The following NT5C2 variants were observed in gnomAD, a reference collection of about 807,000 sequenced individuals.
NT5C2 encodes 5'-nucleotidase, cytosolic II, also known as cytosolic purine 5'-nucleotidase.
In NT5C2, 58 loss-of-function variants were observed where a neutral mutation model predicts 76.1. The ratio of observed to expected loss-of-function variants is 0.76; its 90% CI spans 0.62 to 0.95. The LOEUF (loss-of-function observed/expected upper bound fraction) is 0.95. Among genes scored for constraint, NT5C2 ranks in the 40% least tolerant of loss-of-function variants. The pLI is 0.00. For missense variants in NT5C2, 478 were observed against 690.3 expected, an observed-to-expected ratio of 0.69 and a Z score of 3.45; for synonymous variants, 229 against 237.4, an observed-to-expected ratio of 0.96 and a Z score of 0.32.
chr10:103,179,994 G>A (rs958340407), intron 2 of NT5C2, among the ~76,000 whole-genome samples: 41 of 152,148 alleles, frequency 2.7e-4, no homozygotes, highest in Admixed American at 2.3e-3. Context: ...CAAAATATTT[G>A]CAAACACACA....
chr10:103,187,040 C>T (rs1357394478), intron 1 of NT5C2, among the ~76,000 whole-genome samples: 1 of 151,912 alleles, frequency 6.6e-6, no homozygotes, highest in East Asian at 1.9e-4. Context: ...CACCTGAGGT[C>T]AGGAGTTCAA....
At chr10:103,109,068 TC>T (rs1343676125) in intron 4 of NT5C2, among the ~76,000 whole-genome samples, 1 of 152,100 alleles carries the variant, frequency 6.6e-6, no homozygotes, top group African/African-American at 2.4e-5. Flanking sequence ...CAGGCTGGTC[TC>T]GAACTCCTGA....
At chr10:103,172,957 G>A (rs1334568364) in intron 3 of NT5C2, among the ~76,000 whole-genome samples, 3 of 152,138 alleles carry the variant, frequency 2.0e-5, no homozygotes, top group African/African-American at 4.8e-5. Flanking sequence ...ACAGTGAGCC[G>A]AGATCAAGCC....
rs139619304 is a variant in NT5C2, at chr10:103,183,705, G to C, written c.-168-2377C>G. Among the ~76,000 whole-genome samples, 57 of 151,284 alleles carry C rather than the reference G, an allele frequency of 3.8e-4. No homozygotes were observed. In the East Asian group the frequency reaches 9.9e-3, roughly 26 times the overall value. On this transcript the variant is annotated intron_variant, in intron 1 of 18. Coordinates refer to ENST00000404739, the MANE Select transcript of NT5C2 (RefSeq NM_001351169.2). ...TGGGGGTGGGAGGAGGGTGAGGGAT[G>C]AGAAATTACCTGATGAGTACAATGT...
At chr10:103,181,472 A>G (rs979198845) in intron 1 of NT5C2, among the ~76,000 whole-genome samples, 144 bp from the exon 2 acceptor site, 18 of 152,188 alleles carry the variant, frequency 1.2e-4, no homozygotes, top group Non-Finnish European at 2.6e-4. Context: ...GCAAAGAGCA[A>G]CTGAAACTGT....
At chr10:103,160,898 T>C (rs2134088521) in intron 3 of NT5C2, among the ~76,000 whole-genome samples, 1 of 151,936 alleles carries the variant, frequency 6.6e-6, no homozygotes, top group Middle Eastern at 3.4e-3. Flanking sequence ...TAGTCCCAGC[T>C]ACTTGGAAGG....
At chr10:103,127,092 G>C (rs2076807689) in intron 4 of NT5C2, among the ~76,000 whole-genome samples, 1 of 152,178 alleles carries the variant, frequency 6.6e-6, no homozygotes, top group South Asian at 2.1e-4. Context: ...GTTTTCGATT[G>C]CATGGGAGCC....
At chr10:103,151,132 A>G (rs1444857058) in intron 3 of NT5C2, among the ~76,000 whole-genome samples, 1 of 151,706 alleles carries the variant, frequency 6.6e-6, no homozygotes, top group Non-Finnish European at 1.5e-5. Flanking sequence ...TTTTTCCTAT[A>G]TGAATATTCA....
intron 4 of NT5C2, among the ~76,000 whole-genome samples, chr10:103,108,467 A>G (rs2071997584): frequency 6.6e-6 from 1 of 152,194 alleles, no homozygotes; most frequent in Non-Finnish European, 1.5e-5. Context: ...TAATACTTTA[A>G]TGAGTGTGAT....
At chr10:103,156,686 C>A (rs1353342752) in intron 3 of NT5C2, among the ~76,000 whole-genome samples, 1 of 150,034 alleles carries the variant, frequency 6.7e-6, no homozygotes, top group Non-Finnish European at 1.5e-5. Flanking sequence ...ACCCAGGAGG[C>A]GGAGGTTGTG....
intron 1 of NT5C2, among the ~76,000 whole-genome samples, chr10:103,192,988 G>T (rs1173969109): frequency 6.6e-6 from 1 of 152,076 alleles, no homozygotes; most frequent in Non-Finnish European, 1.5e-5. Context: ...TCGCGGCGGC[G>T]CGGAGGAAGG....
chr10:103,154,114 G>A (rs1336793634), intron 3 of NT5C2, among the ~76,000 whole-genome samples: 2 of 152,054 alleles, frequency 1.3e-5, no homozygotes, highest in Admixed American at 6.5e-5. Context: ...CCTGCCTCCC[G>A]ACCAATATAA....
At position 103,174,644 on chromosome 10, in the gene NT5C2, A is replaced by G. The variant is rs567997348; in HGVS notation, c.101+214T>C. Among the ~76,000 whole-genome samples, 96 of 152,338 alleles carry G rather than the reference A, an allele frequency of 6.3e-4. 1 individual carries two copies. Among genetic ancestry groups the G allele is most frequent in the Non-Finnish European group, 2.8e-4 (19 of 68,020 alleles). On this transcript the variant is annotated intron_variant, in intron 3 of 18. Coordinates refer to ENST00000404739, the MANE Select transcript of NT5C2 (RefSeq NM_001351169.2). Reference sequence around the variant, plus strand: ...AGGTGCAATTTTCTAGCAACCAAAGACATTTTTCTCTTAAATACTTTTACT... The same window carrying G: ...AGGTGCAATTTTCTAGCAACCAAAGGCATTTTTCTCTTAAATACTTTTACT...
At chr10:103,148,680 A>C (rs551608156) in intron 3 of NT5C2, among the ~76,000 whole-genome samples, 1 of 152,238 alleles carries the variant, frequency 6.6e-6, no homozygotes, top group East Asian at 1.9e-4. Flanking sequence ...ACACACTAAA[A>C]ATCTGAACAA....
At chr10:103,178,776 G>C (rs368944686) in intron 2 of NT5C2, among the ~76,000 whole-genome samples, 2 of 146,824 alleles carry the variant, frequency 1.4e-5, no homozygotes, top group Admixed American at 1.4e-4. Flanking sequence ...GTTGCAATGA[G>C]CTGAGCCGAG....
chr10:103,088,739 T>C lies in NT5C2; in HGVS notation c.*933A>G, dbSNP rs971172588. 5.6e-6 allele frequency: 1 copy of C among 179,340 alleles called. No individual in the cohort carries two copies. Among genetic ancestry groups the C allele is most frequent in the African/African-American group, 2.4e-5 (1 of 42,348 alleles). 11.1% of individuals were successfully genotyped at this position (179,340 alleles called of 1,614,324 possible). ...TTCACACTGATTGTGCCCTCTACTT[T>C]AGTAAGGTTCTGGCTTACAGAGCCC... On this transcript the variant is annotated 3_prime_UTR_variant, in exon 19 of 19. Coordinates refer to ENST00000404739, the MANE Select transcript of NT5C2 (RefSeq NM_001351169.2).
intron 3 of NT5C2, among the ~76,000 whole-genome samples, chr10:103,157,183 C>A (rs1249237886): frequency 6.6e-6 from 1 of 151,158 alleles, no homozygotes; most frequent in Non-Finnish European, 1.5e-5. Flanking sequence ...TGAAAGCAAA[C>A]AAATGAACCT....
chr10:103,115,010 A>C (rs1483075934), intron 4 of NT5C2, among the ~76,000 whole-genome samples: 3 of 152,256 alleles, frequency 2.0e-5, no homozygotes, highest in African/African-American at 7.2e-5. Context: ...CTGCATGATA[A>C]AACAAACATC....
At chr10:103,128,285 T>A (rs1429819988) in intron 4 of NT5C2, among the ~76,000 whole-genome samples, 2 of 150,526 alleles carry the variant, frequency 1.3e-5, no homozygotes, top group Non-Finnish European at 3.0e-5. Context: ...CGGGCCGGTC[T>A]CCAGCCCCTA....
Sources: gnomAD v4.1 joint callset for allele counts (sites outside exome capture counted in the v4.1 genomes callset) on GRCh38, gnomAD v4.1.1 for gene constraint, MANE v1.5 for transcripts, NCBI Gene and HGNC (gene_info 2026-07-23, HGNC 2026-07-21) for gene names.